Variants in MPV17 observed in about 807,000 individuals in gnomAD.
MPV17 encodes the protein mitochondrial inner membrane protein MPV17.
MPV17 carries 31 observed loss-of-function variants against 28.6 expected under a neutral mutation model. The observed-to-expected ratio is 1.08, with a 90% CI of 0.81 to 1.46. MPV17 has a LOEUF of 1.46. Ranked by LOEUF, MPV17 falls within the 40% of genes most tolerant of loss-of-function variation. MPV17 has a pLI of 0.00. For synonymous variants in MPV17, 87 were observed against 85.3 expected, an observed-to-expected ratio of 1.02 and a Z score of -0.11; for missense variants, 198 against 216.2, an observed-to-expected ratio of 0.92 and a Z score of 0.53.
intron 2 of MPV17, among the ~76,000 whole-genome samples, chr2:27,319,385 T>A (rs1175739067): frequency 6.7e-6 from 1 of 149,046 alleles, no homozygotes; most frequent in Non-Finnish European, 1.5e-5. Context: ...TAGCTGGGCA[T>A]GGTGGTGCAA....
intron 2 of MPV17, among the ~76,000 whole-genome samples, chr2:27,319,674 TA>T (rs1422786796): frequency 6.6e-6 from 1 of 151,448 alleles, no homozygotes; most frequent in Non-Finnish European, 1.5e-5. Flanking sequence ...CCTGTAATCC[TA>T]GTACTCTGGG....
At chr2:27,315,930 A>G in intron 2 of MPV17, 1 of 1,449,754 alleles carries the variant, frequency 6.9e-7, no homozygotes, top group South Asian at 1.5e-5. Flanking sequence ...TTGGAACTGA[A>G]CCCAGGCCTT....
At chr2:27,312,847 C>T in intron 3 of MPV17, 75 bp from the exon 4 acceptor site, 1 of 1,555,360 alleles carries the variant, frequency 6.4e-7, no homozygotes, top group Non-Finnish European at 8.9e-7. Flanking sequence ...GCTCCCTGCC[C>T]CAAGTATCAG....
rs1268150656 is a variant in MPV17, at chr2:27,312,587, C to T, written c.282G>A (p.Gly94=). The stretch of plus-strand genomic sequence containing the variant: ...AGCCTAGAAAACACGGGGCAAAGCC[C>T]CCCTAGGGAAGAGAAATTAAAGTCC... ...DALKKMLLDQ[G]GFAPCFLGCF... is the part of the protein sequence containing the mutation. The change falls in exon 5 of 8, where the codon GGG becomes GGA. Residue 94 remains glycine, a splice_region_variant and synonymous_variant. Transcript: ENST00000380044. 6.2e-7 allele frequency: 1 copy of T among 1,613,946 alleles called. No individual in the cohort carries two copies. Among genetic ancestry groups the T allele is most frequent in the Non-Finnish European group, 8.5e-7 (1 of 1,179,962 alleles).
intron 2 of MPV17, chr2:27,313,481 A>G: frequency 2.0e-6 from 1 of 500,386 alleles, no homozygotes; most frequent in Non-Finnish European, 3.6e-6. Context: ...CAAACCACTT[A>G]TTTTAGAGGT....
intron 2 of MPV17, among the ~76,000 whole-genome samples, chr2:27,318,069 C>CTT (rs746744519): frequency 5.8e-5 from 8 of 137,430 alleles, no homozygotes; most frequent in South Asian, 4.7e-4. Flanking sequence ...TCTTTCTTTT[C>CTT]TTTTTTTTTT....
intron 7 of MPV17, chr2:27,311,240 C>T: frequency 4.7e-6 from 1 of 214,902 alleles, no homozygotes; most frequent in Non-Finnish European, 9.3e-6. Context: ...TTTGTATTTT[C>T]TGTAGAGATG....
chr2:27,318,487 A>G (rs1679740151), intron 2 of MPV17, among the ~76,000 whole-genome samples: 1 of 151,814 alleles, frequency 6.6e-6, no homozygotes, highest in Admixed American at 6.6e-5. Context: ...CCTCCTGAGT[A>G]GCTGGGATTA....
intron 2 of MPV17, chr2:27,315,848 C>T: frequency 6.2e-6 from 8 of 1,300,648 alleles, no homozygotes; most frequent in Non-Finnish European, 7.9e-6. Context: ...AGGTGTGAGC[C>T]ACGGCACCCA....
intron 2 of MPV17, chr2:27,315,959 G>T: frequency 2.0e-6 from 3 of 1,472,798 alleles, no homozygotes; most frequent in Non-Finnish European, 2.7e-6. Flanking sequence ...GAGGACCAAG[G>T]AGGCCAGGGT....
Position 27,322,371 on chromosome 2 carries a change from G to T in MPV17, c.70+77C>A. 10 of 1,161,554 alleles carry T rather than the reference G, an allele frequency of 8.6e-6. No homozygotes were observed. The South Asian group carries it at 1.1e-4, about 13-fold the overall frequency. The allele number at this position is 1,161,554 out of a possible 1,614,324, so 72.0% of individuals were successfully genotyped here. On this transcript the variant is annotated intron_variant, in intron 2 of 7. Coordinates refer to ENST00000380044, the MANE Select transcript of MPV17 (RefSeq NM_002437.5). ...GAGCCGAATAGAAACAGGAAGTGAG[G>T]GTGGTGCAGTGGGGCAAGCCTCTGG... is the stretch of plus-strand genomic sequence containing the variant.
chr2:27,321,423 C>A (rs1334986478), intron 2 of MPV17, among the ~76,000 whole-genome samples: 3 of 152,224 alleles, frequency 2.0e-5, no homozygotes, highest in African/African-American at 7.2e-5. Flanking sequence ...CGATGCAGGG[C>A]TGTTCTGGTC....
chr2:27,322,329 C>G (rs539754411), intron 2 of MPV17, 119 bp downstream of exon 2: 35 of 920,206 alleles, frequency 3.8e-5, no homozygotes, highest in Non-Finnish European at 3.9e-5. Flanking sequence ...GGATGAAAGA[C>G]AGCCAACCCT....
rs1057523263 is a variant in MPV17 at position 27,309,901 on chromosome 2, G to A, written c.*11C>T. 2 of 1,611,620 alleles carry A rather than the reference G, an allele frequency of 1.2e-6. No homozygotes were observed. Among genetic ancestry groups the A allele is most frequent in the East Asian group, 2.2e-5 (1 of 44,878 alleles). On this transcript the variant is annotated 3_prime_UTR_variant, in exon 8 of 8. Coordinates refer to ENST00000380044, the MANE Select transcript of MPV17 (RefSeq NM_002437.5). ...ATCACTGCAAGGTGGAAACGATGGA[G>A]TGAGGCAGGCTTAGAGCCGATGTGC...
At chr2:27,316,871 G>A in intron 2 of MPV17, 3 of 508,102 alleles carry the variant, frequency 5.9e-6, no homozygotes, top group Non-Finnish European at 1.0e-5. Flanking sequence ...TGGCGCAGGT[G>A]TGACATCATG....
chr2:27,320,211 C>T (rs1206703253), intron 2 of MPV17, among the ~76,000 whole-genome samples: 3 of 150,202 alleles, frequency 2.0e-5, no homozygotes, highest in South Asian at 2.1e-4. Context: ...CACTCCAGCC[C>T]GGGCAACAGT....
intron 4 of MPV17, 39 bp downstream of exon 4, chr2:27,312,641 C>T: frequency 1.9e-6 from 3 of 1,612,998 alleles, no homozygotes; most frequent in South Asian, 1.1e-5. Context: ...CACCTACCCC[C>T]AACACAGCTC....
At position 27,317,573 on chromosome 2, in the gene MPV17, G is replaced by T. The variant is rs922327713; in HGVS notation, c.71-4464C>A. Among the ~76,000 whole-genome samples the T allele has an allele frequency of 7.2e-5, 11 of 152,300 alleles. No homozygotes were observed. Among genetic ancestry groups the T allele is most frequent in the African/African-American group, 2.6e-4 (11 of 41,568 alleles). The stretch of plus-strand genomic sequence containing the variant: ...CTCAGTGCATGACACTCCCACTCCT[G>T]CCTCAGTTTCCTTCTCTGCAGTCTC... On this transcript the variant is annotated intron_variant, in intron 2 of 7. Transcript: ENST00000380044. This position sits in a 1 kb window ranked among gnomAD's most constrained non-coding sequence, Gnocchi z 4.0.
At position 27,313,032 on chromosome 2, in the gene MPV17, G is replaced by A. The variant is rs121909723; in HGVS notation, c.148C>T (p.Arg50Trp). 1.7e-5 allele frequency: 28 copies of A among 1,614,068 alleles called. No individual in the cohort carries two copies. The highest frequency in any genetic ancestry group is 6.7e-5 in the East Asian group (3 of 44,886). The stretch of plus-strand genomic sequence containing the variant: ...CCCAGGGACACCATGGTCAGAGTCC[G>A]GCCTCTCTGGTGTTCCTGCAGACCC... ...RRGLQEHQRGRTLTMVSLGCG... is the reference protein window; with the variant it reads ...RRGLQEHQRGWTLTMVSLGCG... Residue 50 changes from arginine to tryptophan, a missense_variant, in exon 3 of 8, where the codon CGG (arginine) becomes TGG (tryptophan). Coordinates refer to ENST00000380044, the MANE Select transcript of MPV17 (RefSeq NM_002437.5).
Sources: allele counts gnomAD v4.1 joint callset (sites outside exome capture counted in the v4.1 genomes callset), GRCh38; gene constraint gnomAD v4.1.1; non-coding constraint Gnocchi (gnomAD v3.1); transcripts MANE v1.5; gene names NCBI Gene and HGNC (gene_info 2026-07-23, HGNC 2026-07-21).